The following MPDZ variants were observed in gnomAD, a reference collection of about 807,000 sequenced individuals.
MPDZ encodes the protein multiple PDZ domain protein.
MPDZ carries 234 observed loss-of-function variants against 239.1 expected under a neutral mutation model. The observed-to-expected ratio is 0.98, with a 90% CI of 0.88 to 1.09. The LOEUF (loss-of-function observed/expected upper bound fraction) is 1.09, where lower values mean the gene tolerates loss of function less well. MPDZ is among the 50% of genes least tolerant of loss of function. The pLI is 0.00. For missense variants in MPDZ, 3,175 were observed against 2,510.0 expected (o/e 1.26, Z -5.66); for synonymous variants, 1,048 against 881.3 (o/e 1.19, Z -3.35).
At chr9:13,206,220 CT>C in intron 10 of MPDZ, 121 bp from the exon 11 acceptor site, 1 of 919,856 alleles carries the variant, frequency 1.1e-6, no homozygotes, top group African/African-American at 1.7e-5. Context: ...AAGTATTCAC[CT>C]TATCAGGGAA....
intron 10 of MPDZ, among the ~76,000 whole-genome samples, chr9:13,216,409 C>A (rs1006445521): frequency 1.3e-5 from 2 of 150,510 alleles, no homozygotes; most frequent in Non-Finnish European, 3.0e-5. Flanking sequence ...ATGCAGGCAT[C>A]CCTAATTCAT....
At chr9:13,223,489 T>C in intron 5 of MPDZ, 82 bp downstream of exon 5, 3 of 1,438,182 alleles carry the variant, frequency 2.1e-6, no homozygotes, top group Non-Finnish European at 2.8e-6. Flanking sequence ...CCATTCATTA[T>C]TATTTTTCTA....
chr9:13,122,005 G>A, intron 37 of MPDZ, 73 bp from the exon 38 acceptor site: 1 of 1,598,312 alleles, frequency 6.3e-7, no homozygotes, highest in Middle Eastern at 1.7e-4. Context: ...AGGGAAGAGA[G>A]AGAAAGAAGC....
rs369982009 is a variant in MPDZ, at chr9:13,192,201, C to T, written c.1898G>A (p.Arg633Gln). 5.6e-6 allele frequency: 9 copies of T among 1,610,644 alleles called. No homozygotes were observed. Among genetic ancestry groups the T allele is most frequent in the Non-Finnish European group, 7.6e-6 (9 of 1,178,370 alleles). ...PIEVTMVCCR[R>Q]TVPPTTQSEL... is the part of the protein sequence containing the mutation. Reference sequence around the variant, plus strand: ...TGATTGGGTGGTGGGTGGCACAGTTCGACGACAGCACACCATTGTCACTTC... The same window carrying T: ...TGATTGGGTGGTGGGTGGCACAGTTTGACGACAGCACACCATTGTCACTTC... Residue 633 changes from arginine to glutamine, a missense_variant, in exon 15 of 47, where the codon CGA (arginine) becomes CAA (glutamine). By Grantham distance (43) the Arg-to-Gln change is conservative. Transcript: ENST00000319217.
At chr9:13,142,260 T>A (rs1486782891) in intron 27 of MPDZ, among the ~76,000 whole-genome samples, 1 of 152,086 alleles carries the variant, frequency 6.6e-6, no homozygotes, top group Non-Finnish European at 1.5e-5. Context: ...AACCTGCTTA[T>A]CTGAAAAATT....
At chr9:13,268,475 A>T (rs1972265538) in intron 1 of MPDZ, among the ~76,000 whole-genome samples, 1 of 152,292 alleles carries the variant, frequency 6.6e-6, no homozygotes, top group Admixed American at 6.5e-5. Flanking sequence ...TCACTGAAGC[A>T]TATGACAAAA....
At position 13,168,519 on chromosome 9, in the gene MPDZ, C is replaced by G. The variant is rs376187489; in HGVS notation, c.3101G>C (p.Arg1034Pro). The G allele has an allele frequency of 6.2e-7, 1 of 1,612,700 alleles. No individual in the cohort carries two copies. Among genetic ancestry groups the G allele is most frequent in the Non-Finnish European group, 8.5e-7 (1 of 1,179,390 alleles). ...ANKDGLGMIVRSIIHGGAISR... is the reference protein window; with the variant it reads ...ANKDGLGMIVPSIIHGGAISR... ...AATGGCACCTCCATGAATAATGCTT[C>G]GAACGATCATCCCCAAGCCATCTTT... is the stretch of plus-strand genomic sequence containing the variant. The change falls in exon 22 of 47, where the codon CGA becomes CCA. Residue 1034 changes from arginine (R) to proline (P), a missense_variant. Coordinates refer to ENST00000319217, the MANE Select transcript of MPDZ (RefSeq NM_001378778.1).
At chr9:13,143,935 A>G (rs1948093434) in intron 26 of MPDZ, among the ~76,000 whole-genome samples, 1 of 152,050 alleles carries the variant, frequency 6.6e-6, no homozygotes, top group Non-Finnish European at 1.5e-5. Context: ...TAAAACCACA[A>G]AATTTTTTAT....
At chr9:13,202,067 T>G (rs767533348) in intron 12 of MPDZ, among the ~76,000 whole-genome samples, 1 of 152,134 alleles carries the variant, frequency 6.6e-6, no homozygotes, top group Non-Finnish European at 1.5e-5. Context: ...ATTTGAGGAG[T>G]TGGCTACCTC....
Position 13,157,998 on chromosome 9 carries a change from A to T in MPDZ, c.3452+20T>A. 6.2e-7 allele frequency: 1 copy of T among 1,603,454 alleles called. No individual in the cohort carries two copies. Among genetic ancestry groups the T allele is most frequent in the Non-Finnish European group, 8.5e-7 (1 of 1,171,608 alleles). ...CACTATATATCCATTGGGTGGACAG[A>T]AGACAGAAATAGTCCTTACCGCCTG... On this transcript the variant is annotated intron_variant, in intron 24 of 46. Coordinates refer to ENST00000319217, the MANE Select transcript of MPDZ (RefSeq NM_001378778.1).
intron 1 of MPDZ, among the ~76,000 whole-genome samples, chr9:13,253,117 C>T (rs558483559): frequency 1.1e-4 from 16 of 151,738 alleles, no homozygotes; most frequent in Admixed American, 1.3e-4. Context: ...GAAAGTACAG[C>T]GTAGGCAGTT....
At chr9:13,113,559 T>A (rs1237628226) in intron 41 of MPDZ, among the ~76,000 whole-genome samples, 1 of 152,212 alleles carries the variant, frequency 6.6e-6, no homozygotes, top group Non-Finnish European at 1.5e-5. Flanking sequence ...GAGGATCACA[T>A]TAATTTTCTC....
chr9:13,135,567 C>T (rs554037526), intron 31 of MPDZ: 2 of 152,346 alleles, frequency 1.3e-5, no homozygotes, highest in South Asian at 2.1e-4. Flanking sequence ...TTGAGCTCCA[C>T]ACTGCCTCAA....
At chr9:13,262,996 G>T (rs563132832) in intron 1 of MPDZ, among the ~76,000 whole-genome samples, 1 of 152,276 alleles carries the variant, frequency 6.6e-6, no homozygotes, top group South Asian at 2.1e-4. Flanking sequence ...CATACGGGGG[G>T]ACTCAATGGG....
chr9:13,136,320 GTTTTCTTTTTTTT>G (rs1193389469), intron 30 of MPDZ, 138 bp from the exon 31 acceptor site: 19 of 194,650 alleles, frequency 9.8e-5, no homozygotes, highest in Non-Finnish European at 1.4e-4. Flanking sequence ...ATTTACAAAC[GTTTTCTTTTTTTT>G]TTTTTTTTTT....
Position 13,261,186 on chromosome 9 carries a change from G to C in MPDZ, c.-57-10814C>G, listed in dbSNP as rs144094253. On this transcript the variant is annotated intron_variant, in intron 1 of 46. Coordinates refer to ENST00000319217, the MANE Select transcript of MPDZ (RefSeq NM_001378778.1). ...GCTAAAATGGGGTACACACAAGCCA[G>C]AGTTATGAGACAGCAAAAACAAGTC... is the stretch of plus-strand genomic sequence containing the variant. Among the ~76,000 whole-genome samples, 563 of 152,330 alleles carry C rather than the reference G, an allele frequency of 3.7e-3. 2 individuals carry two copies. Among genetic ancestry groups the C allele is most frequent in the Middle Eastern group, 6.8e-3 (2 of 294 alleles).
intron 35 of MPDZ, 27 bp from the exon 36 acceptor site, chr9:13,123,325 A>T: frequency 6.4e-7 from 1 of 1,564,938 alleles, no homozygotes; most frequent in Non-Finnish European, 8.7e-7. Flanking sequence ...AATGAAATAC[A>T]AATAAAAATT....
Position 13,196,539 on chromosome 9 carries a change from T to C in MPDZ, c.1547-309A>G, listed in dbSNP as rs1955670863. ...AGCAGTTCCAGAATTCACTTCATAG[T>C]CCTCTGGTAATGCTACAGTAAAAAG... On this transcript the variant is annotated intron_variant, in intron 12 of 46. Coordinates refer to ENST00000319217, the MANE Select transcript of MPDZ (RefSeq NM_001378778.1). 2.6e-5 allele frequency among the ~76,000 whole-genome samples: 4 copies of C among 152,280 alleles called. No individual in the cohort carries two copies. In the East Asian group the frequency reaches 7.7e-4, roughly 29 times the overall value.
chr9:13,244,454 G>A (rs569545841), intron 3 of MPDZ, among the ~76,000 whole-genome samples: 1 of 152,098 alleles, frequency 6.6e-6, no homozygotes, highest in African/African-American at 2.4e-5. Flanking sequence ...CACTTAAACA[G>A]GAATCATGCA....
Sources: allele counts gnomAD v4.1 joint callset (sites outside exome capture counted in the v4.1 genomes callset), GRCh38; gene constraint gnomAD v4.1.1; transcripts MANE v1.5; gene names NCBI Gene and HGNC (gene_info 2026-07-23, HGNC 2026-07-21).